HMGCLL1: variants seen among roughly 807,000 people sequenced by gnomAD.
HMGCLL1 encodes 3-hydroxy-3-methylglutaryl-CoA lyase like 1.
A neutral mutation model predicts 39.1 loss-of-function variants in HMGCLL1; 36 were observed. The observed-to-expected ratio is 0.92, with a 90% confidence interval of 0.71 to 1.22. The LOEUF is 1.22. Ranked by LOEUF, HMGCLL1 falls within the 50% of genes most tolerant of loss-of-function variation. The probability of loss-of-function intolerance (pLI) is 0.00; values close to 1 mark genes in which losing one functional copy is unlikely to be tolerated. For synonymous variants in HMGCLL1, 149 were observed against 144.0 expected (o/e 1.03, Z -0.25); for missense variants, 451 against 416.5 (o/e 1.08, Z -0.72).
At chr6:55,440,151 G>A (rs1273772571) in intron 7 of HMGCLL1, among the ~76,000 whole-genome samples, 9 of 152,072 alleles carry the variant, frequency 5.9e-5, no homozygotes, top group Admixed American at 4.6e-4. Context: ...CAAAACACTT[G>A]CCACCAGCAG....
chr6:55,448,106 T>C (rs573783287), intron 7 of HMGCLL1, among the ~76,000 whole-genome samples: 2 of 152,202 alleles, frequency 1.3e-5, no homozygotes, highest in African/African-American at 2.4e-5. Context: ...GTCCTAGTGA[T>C]TGTATTTCTA....
intron 6 of HMGCLL1, among the ~76,000 whole-genome samples, chr6:55,497,420 G>T (rs1414474732): frequency 6.6e-6 from 1 of 152,096 alleles, no homozygotes; most frequent in Non-Finnish European, 1.5e-5. Context: ...TCTGGCACAT[G>T]ATACTGATTC....
the HMGCLL1 span, among the ~76,000 whole-genome samples, chr6:55,620,465 G>A: frequency 2.0e-5 from 3 of 152,000 alleles, no homozygotes; most frequent in South Asian, 2.1e-4. Flanking sequence ...GCACTTCTTC[G>A]TATATGTTTA....
At chr6:55,555,435 T>G (rs1045593202) in intron 1 of HMGCLL1, among the ~76,000 whole-genome samples, 18 of 152,208 alleles carry the variant, frequency 1.2e-4, no homozygotes, top group Non-Finnish European at 1.6e-4. Context: ...ATCATCAGCA[T>G]GTTATATATG....
chr6:55,657,960 T>C, the HMGCLL1 span, among the ~76,000 whole-genome samples: 1 of 151,860 alleles, frequency 6.6e-6, no homozygotes, highest in Non-Finnish European at 1.5e-5. Context: ...TAATGGGTAC[T>C]AGGCTTAATA....
At chr6:55,564,454 A>G (rs755717947) in intron 1 of HMGCLL1, among the ~76,000 whole-genome samples, 2 of 152,024 alleles carry the variant, frequency 1.3e-5, no homozygotes, top group East Asian at 1.9e-4. Flanking sequence ...GGTTTGTTAC[A>G]TATGTATACA....
chr6:55,589,680 A>G, the HMGCLL1 span, among the ~76,000 whole-genome samples: 2 of 152,180 alleles, frequency 1.3e-5, no homozygotes, highest in Non-Finnish European at 2.9e-5. Context: ...AATCTCCTTA[A>G]GCTGATTAGC....
intron 6 of HMGCLL1, among the ~76,000 whole-genome samples, chr6:55,495,853 T>G (rs561447414): frequency 1.3e-5 from 2 of 152,290 alleles, no homozygotes; most frequent in South Asian, 4.1e-4. Flanking sequence ...CATATCTACC[T>G]ATCTTTTTAT....
chr6:55,532,821 T>A (rs770855383), intron 3 of HMGCLL1, among the ~76,000 whole-genome samples: 3,772 of 74,982 alleles, frequency 0.05, 90 homozygotes, highest in Non-Finnish European at 0.096. Context: ...ATAATAATAA[T>A]AATAATAATA....
intron 7 of HMGCLL1, among the ~76,000 whole-genome samples, chr6:55,467,355 A>C (rs928032562): frequency 2.6e-5 from 4 of 152,082 alleles, no homozygotes; most frequent in African/African-American, 9.7e-5. Context: ...ACCAAATGTC[A>C]TTCCAGGCTT....
At chr6:55,450,578 T>G (rs904934226) in intron 7 of HMGCLL1, among the ~76,000 whole-genome samples, 1 of 152,068 alleles carries the variant, frequency 6.6e-6, no homozygotes, top group African/African-American at 2.4e-5. Flanking sequence ...ATAACAAAGA[T>G]GTGGAGGCAG....
chr6:55,633,812 A>G, the HMGCLL1 span, among the ~76,000 whole-genome samples: 3 of 152,124 alleles, frequency 2.0e-5, no homozygotes, highest in African/African-American at 7.2e-5. Context: ...AGTCTAAAAA[A>G]TACTTAAATG....
rs753957303 is a variant in HMGCLL1, at chr6:55,539,940, A to AGAAGGAAGGAAGGAAG, written c.297+1773_297+1788dup. 2.0e-3 allele frequency among the ~76,000 whole-genome samples: 114 copies of AGAAGGAAGGAAGGAAG among 57,096 alleles called. 1 individual carries two copies. Among genetic ancestry groups the AGAAGGAAGGAAGGAAG allele is most frequent in the East Asian group, 3.2e-3 (5 of 1,570 alleles). 37.5% of individuals were successfully genotyped at this position (57,096 alleles called of 152,430 possible). ...AAAGAAAAGGAGGATGAGGAGGAGG[A>AGAAGGAAGGAAGGAAG]GAAGGAAGGAAGGAAGGAAGGAAGG... is the stretch of plus-strand genomic sequence containing the variant. On this transcript the variant is annotated intron_variant, in intron 3 of 8. Transcript: ENST00000274901.
the HMGCLL1 span, among the ~76,000 whole-genome samples, chr6:55,628,828 C>T: frequency 6.6e-5 from 10 of 152,140 alleles, no homozygotes; most frequent in Admixed American, 4.6e-4. Context: ...GCACAAACTT[C>T]CTTTGCCTGC....
At chr6:55,471,056 G>T (rs771172851) in intron 7 of HMGCLL1, among the ~76,000 whole-genome samples, 6 of 150,470 alleles carry the variant, frequency 4.0e-5, no homozygotes, top group Non-Finnish European at 5.9e-5. Flanking sequence ...ATATAAGCCT[G>T]CCTTCATCGA....
Position 55,435,591 on chromosome 6 carries a change from A to G in HMGCLL1, c.*71T>C. 2 of 768,312 alleles carry G rather than the reference A, an allele frequency of 2.6e-6. No individual in the cohort carries two copies. Among genetic ancestry groups the G allele is most frequent in the Non-Finnish European group, 4.2e-6 (2 of 477,990 alleles). The allele number at this position is 768,312 out of a possible 1,614,324, so 47.6% of individuals were successfully genotyped here. On this transcript the variant is annotated 3_prime_UTR_variant, in exon 9 of 9. Coordinates refer to ENST00000274901, the MANE Select transcript of HMGCLL1 (RefSeq NM_001042406.2). ...ACTTCACATATCAGAGCAAGTTGGC[A>G]TTAATGATTTTCAGATGAGTATTGT...
the HMGCLL1 span, among the ~76,000 whole-genome samples, chr6:55,662,810 C>T: frequency 1.3e-5 from 2 of 151,360 alleles, no homozygotes; most frequent in Non-Finnish European, 1.5e-5. Context: ...TCCATCTGAC[C>T]CTGGGTTTTG....
At chr6:55,657,964 C>T in the HMGCLL1 span, among the ~76,000 whole-genome samples, 1,491 of 151,784 alleles carry the variant, frequency 9.8e-3, 25 homozygotes, top group African/African-American at 0.023. Context: ...GGGTACTAGG[C>T]TTAATACCTG....
the HMGCLL1 span, among the ~76,000 whole-genome samples, chr6:55,639,039 A>G: frequency 6.6e-6 from 1 of 152,134 alleles, no homozygotes; most frequent in Admixed American, 6.6e-5. Context: ...CTATGGTATC[A>G]TTCTATAAAC....
Sources: allele counts gnomAD v4.1 joint callset (sites outside exome capture counted in the v4.1 genomes callset), GRCh38; gene constraint gnomAD v4.1.1; transcripts MANE v1.5; gene names NCBI Gene and HGNC (gene_info 2026-07-23, HGNC 2026-07-21).